P4HA2: variants seen among roughly 807,000 people sequenced by gnomAD.
P4HA2 encodes the protein prolyl 4-hydroxylase subunit alpha-2.
In P4HA2, 46 loss-of-function variants were observed where a neutral mutation model predicts 76.9. The observed-to-expected ratio is 0.60, with a 90% confidence interval of 0.47 to 0.76. The LOEUF is 0.76. Among genes scored for constraint, P4HA2 ranks in the 30% least tolerant of loss-of-function variants. P4HA2 has a pLI of 0.00. For synonymous variants in P4HA2, 243 were observed against 254.0 expected, an observed-to-expected ratio of 0.96 and a Z score of 0.41; for missense variants, 583 against 669.4, an observed-to-expected ratio of 0.87 and a Z score of 1.42.
At chr5:132,217,422 G>A in intron 3 of P4HA2, 74 bp from the exon 4 acceptor site, 2 of 1,468,246 alleles carry the variant, frequency 1.4e-6, no homozygotes, top group Non-Finnish European at 1.9e-6. Context: ...TTTTCCTAGT[G>A]AGAATTCCCT....
At chr5:132,226,776 C>T (rs1049435788) in intron 1 of P4HA2, 1 of 152,474 alleles carries the variant, frequency 6.6e-6, no homozygotes, top group African/African-American at 2.4e-5. Context: ...GCATCTTACA[C>T]ATGCAGGGCA....
Position 132,213,987 on chromosome 5 carries a change from G to A in P4HA2, c.398C>T (p.Ala133Val), listed in dbSNP as rs1753496224. ...GTCCTGAAGTCTCATCAGGGCTTTG[G>A]CAGCTCCTATCTCGTCCTCATCAGT... Reference protein sequence around the residue: ...FPTDEDEIGAAKALMRLQDTY... With the variant: ...FPTDEDEIGAVKALMRLQDTY... Residue 133 changes from alanine (A) to valine (V), a missense_variant, in exon 5 of 15, where the codon GCC becomes GTC. Transcript: ENST00000360568. The A allele has an allele frequency of 6.2e-7, 1 of 1,614,120 alleles. No individual in the cohort carries two copies. Among genetic ancestry groups the A allele is most frequent in the Non-Finnish European group, 8.5e-7 (1 of 1,179,954 alleles).
chr5:132,204,850 C>T (rs1014071029), intron 8 of P4HA2, among the ~76,000 whole-genome samples: 10 of 152,252 alleles, frequency 6.6e-5, no homozygotes, highest in Non-Finnish European at 4.4e-5. Context: ...GCACTCCCTG[C>T]ATCTACTTCA....
chr5:132,209,165 G>A lies in P4HA2; in HGVS notation c.876C>T (p.Ser292=), dbSNP rs1393705729. The change falls in exon 7 of 15, where the codon AGC becomes AGT. Residue 292 remains serine, a synonymous_variant. Transcript: ENST00000360568. ...GTTTGACACCCTCCCCACGACAGAGGCTCTCGTAAACATCCCTCTCAGGCA... is the reference window on the plus strand; with the variant it reads ...GTTTGACACCCTCCCCACGACAGAGACTCTCGTAAACATCCCTCTCAGGCA... ...DYLPERDVYE[S]LCRGEGVKLT... is the part of the protein sequence containing the mutation. The A allele has an allele frequency of 6.2e-7, 1 of 1,613,708 alleles. No homozygotes were observed. The highest frequency in any genetic ancestry group is 1.7e-5 in the Admixed American group (1 of 59,990).
chr5:132,218,614 C>G lies in P4HA2; in HGVS notation c.13G>C (p.Val5Leu), dbSNP rs1285781929. 6.2e-7 allele frequency: 1 copy of G among 1,613,464 alleles called. No homozygotes were observed. Among genetic ancestry groups the G allele is most frequent in the East Asian group, 2.2e-5 (1 of 44,886 alleles). Reference sequence around the variant, plus strand: ...AACCAGGCCATCAGCAATGCAGACACCCAGAGTTTCATGGTCACAGAGGGA... The same window carrying G: ...AACCAGGCCATCAGCAATGCAGACAGCCAGAGTTTCATGGTCACAGAGGGA... MKLW[V>L]SALLMAWFGV... is the part of the protein sequence containing the mutation. The change falls in exon 2 of 15, where the codon GTG becomes CTG. Residue 5 changes from valine (V) to leucine (L), a missense_variant. By Grantham distance (32) the Val-to-Leu change is conservative. Coordinates refer to ENST00000360568, the MANE Select transcript of P4HA2 (RefSeq NM_001017974.2).
chr5:132,214,123 G>C, intron 4 of P4HA2, 70 bp from the exon 5 acceptor site: 2 of 1,510,628 alleles, frequency 1.3e-6, no homozygotes, highest in African/African-American at 1.4e-5. Flanking sequence ...GGACCAGAGA[G>C]GCAGCCACAA....
rs1749946960 is a variant in P4HA2 at position 132,191,832 on chromosome 5, A to G, written c.*1178T>C. On this transcript the variant is annotated 3_prime_UTR_variant, in exon 15 of 15. Coordinates refer to ENST00000360568, the MANE Select transcript of P4HA2 (RefSeq NM_001017974.2). ...TATCACAGCATTATTCACAATATAC[A>G]AAGACTGAAATCAATTCCAGTGTTT... The G allele has an allele frequency of 6.6e-6, 1 of 152,262 alleles. No homozygotes were observed. Among genetic ancestry groups the G allele is most frequent in the African/African-American group, 2.4e-5 (1 of 41,468 alleles). The allele number at this position is 152,262 out of a possible 1,614,324, so 9.4% of individuals were successfully genotyped here. A position where few individuals can be genotyped will look rare whatever the true frequency, so the allele number is the denominator to read the frequency against.
chr5:132,198,320 C>G lies in P4HA2; in HGVS notation c.1365+1G>C, dbSNP rs749945318. On this transcript the variant is annotated splice_donor_variant, in intron 12 of 14. Transcript: ENST00000360568. LOFTEE classifies it high-confidence loss of function. ...CAGGTGGGCCTGGACCCAGTACTTA[C>G]GTAGTTAAGAAACGTCGCTAACCTA... is the stretch of plus-strand genomic sequence containing the variant. 4.3e-6 allele frequency: 7 copies of G among 1,614,152 alleles called. No individual in the cohort carries two copies. The East Asian group carries it at 1.3e-4, about 31-fold the overall frequency.
chr5:132,217,917 A>G, intron 2 of P4HA2, 69 bp from the exon 3 acceptor site: 1 of 893,362 alleles, frequency 1.1e-6, no homozygotes, highest in Non-Finnish European at 1.8e-6. Context: ...TCCTTGGGGC[A>G]CAGAATACCA....
In P4HA2 at chr5:132,204,122, TC is replaced by T; in HGVS notation, c.1110del (p.Thr371GlnfsTer17). 1 of 1,614,028 alleles carries T rather than the reference TC, an allele frequency of 6.2e-7. No individual in the cohort carries two copies. Among genetic ancestry groups the T allele is most frequent in the Non-Finnish European group, 8.5e-7 (1 of 1,179,878 alleles). On this transcript the variant is annotated frameshift_variant, in exon 9 of 15. Transcript: ENST00000360568. LOFTEE classifies it high-confidence loss of function. ...TAGCTGGCGACAGTGAGGACTCCTGTCTTGGGATCACGAACGGTGGCTCGTG... is the reference window on the plus strand; with the variant it reads ...TAGCTGGCGACAGTGAGGACTCCTGTTTGGGATCACGAACGGTGGCTCGTG... The part of the protein sequence containing the change: ...KLARATVRDP[K>X]TGVLTVASYR...
rs1752889887 is a variant in P4HA2 at position 132,210,294 on chromosome 5, C to T, written c.699G>A (p.Leu233=). 6.2e-7 allele frequency: 1 copy of T among 1,613,972 alleles called. No homozygotes were observed. Among genetic ancestry groups the T allele is most frequent in the African/African-American group, 1.3e-5 (1 of 74,920 alleles). The change falls in exon 6 of 15, where the codon CTG becomes CTA. Residue 233 remains leucine, a synonymous_variant. Transcript: ENST00000360568. ...CTAGAATCTCCTTACCAAGGGAGAG[C>T]AGGCGGCGGGTGAGCTCCAGGGCAC... is the stretch of plus-strand genomic sequence containing the variant. ...LHRALELTRR[L]LSLDPSHERA... is the part of the protein sequence containing the mutation.
chr5:132,194,085 T>G (rs1461204005), intron 14 of P4HA2, among the ~76,000 whole-genome samples: 2 of 152,138 alleles, frequency 1.3e-5, no homozygotes, highest in Non-Finnish European at 2.9e-5. Flanking sequence ...TTGGAATTCT[T>G]TTATTCTACC....
chr5:132,210,597 A>G, intron 5 of P4HA2, 74 bp from the exon 6 acceptor site: 1 of 1,524,212 alleles, frequency 6.6e-7, no homozygotes, highest in Non-Finnish European at 9.1e-7. Flanking sequence ...ACTTCAAGGA[A>G]AGCCTGAGCC....
In P4HA2 at chr5:132,217,811, C is replaced by T; in HGVS notation, c.120G>A (p.Leu40=). 1 of 1,613,030 alleles carries T rather than the reference C, an allele frequency of 6.2e-7. No homozygotes were observed. The highest frequency in any genetic ancestry group is 8.5e-7 in the Non-Finnish European group (1 of 1,179,086). The change falls in exon 3 of 15, where the codon CTG becomes CTA. Residue 40 remains leucine (L), a synonymous_variant. Coordinates refer to ENST00000360568, the MANE Select transcript of P4HA2 (RefSeq NM_001017974.2). The part of the protein sequence containing the change: ...MTDLIYAEKE[L]VQSLKEYILV... ...GGATGTACTCTTTCAGAGACTGCAC[C>T]AGCTCTTTCTCTGCATAAATCAGGT...
At position 132,217,253 on chromosome 5, in the gene P4HA2, C is replaced by T. The variant is rs1293634082; in HGVS notation, c.275G>A (p.Arg92Gln). 4 of 1,614,190 alleles carry T rather than the reference C, an allele frequency of 2.5e-6. No homozygotes were observed. Among genetic ancestry groups the T allele is most frequent in the Non-Finnish European group, 3.4e-6 (4 of 1,180,014 alleles). Reference sequence around the variant, plus strand: ...CAGCGCAGGCCAGTCTGTGTTTAGCCGCTTCACCAGTTTGTAGGCATTCAC... The same window carrying T: ...CAGCGCAGGCCAGTCTGTGTTTAGCTGCTTCACCAGTTTGTAGGCATTCAC... ...HPVNAYKLVKRLNTDWPALED... is the reference protein window; with the variant it reads ...HPVNAYKLVKQLNTDWPALED... Residue 92 changes from arginine to glutamine, a missense_variant, in exon 4 of 15, where the codon CGG becomes CAG. Arg to Gln is a conservative substitution (Grantham distance 43). Transcript: ENST00000360568.
chr5:132,214,975 CA>C lies in P4HA2; in HGVS notation c.332-923del, dbSNP rs559831278. Among the ~76,000 whole-genome samples, 427 of 152,324 alleles carry C rather than the reference CA, an allele frequency of 2.8e-3. 1 individual carries two copies. The highest frequency in any genetic ancestry group is 4.6e-3 in the Non-Finnish European group (316 of 68,024). On this transcript the variant is annotated intron_variant, in intron 4 of 14. Transcript: ENST00000360568. ...CCTTCCCAGGCTGACTTAGGGCCTT[CA>C]ATTCTGCCTCTAAGCTGAGAAGTGA...
At chr5:132,198,152 C>A (rs954632648) in intron 12 of P4HA2, 169 bp downstream of exon 12, 3 of 1,610,664 alleles carry the variant, frequency 1.9e-6, no homozygotes, top group Non-Finnish European at 1.7e-6. Context: ...GGATATAAGG[C>A]AGCCCTCTGG....
At chr5:132,214,814 A>G (rs1319102430) in intron 4 of P4HA2, among the ~76,000 whole-genome samples, 2 of 152,176 alleles carry the variant, frequency 1.3e-5, no homozygotes, top group Non-Finnish European at 2.9e-5. Flanking sequence ...CTCTCCAGTT[A>G]TGGTGCTCAA....
At position 132,195,030 on chromosome 5, in the gene P4HA2, A is replaced by G; in HGVS notation, c.1435-8T>C. 1 of 1,581,272 alleles carries G rather than the reference A, an allele frequency of 6.3e-7. No homozygotes were observed. Among genetic ancestry groups the G allele is most frequent in the Non-Finnish European group, 8.7e-7 (1 of 1,149,936 alleles). ...CCAGAACACAGCTGTACCCTGGGAA[A>G]GAGATGGCCTTTCAGAACACATTCT... On this transcript the variant is annotated splice_region_variant and splice_polypyrimidine_tract_variant and intron_variant, in intron 13 of 14. Coordinates refer to ENST00000360568, the MANE Select transcript of P4HA2 (RefSeq NM_001017974.2).
Sources: allele counts gnomAD v4.1 joint callset (sites outside exome capture counted in the v4.1 genomes callset), GRCh38; gene constraint gnomAD v4.1.1; transcripts MANE v1.5; gene names NCBI Gene and HGNC (gene_info 2026-07-23, HGNC 2026-07-21).